MROH9: variants seen among roughly 807,000 people sequenced by gnomAD.
MROH9 encodes the protein maestro heat-like repeat-containing protein family member 9.
Under a neutral mutation model 98.2 loss-of-function variants are expected in MROH9, and 92 were observed. That is an observed-to-expected ratio of 0.94 (90% CI 0.79 to 1.11). The LOEUF is 1.11. MROH9 is among the 50% of genes most tolerant of loss of function. The pLI is 0.00. For missense variants in MROH9, 1,057 were observed against 1,014.8 expected (o/e 1.04, Z -0.57); for synonymous variants, 397 against 368.9 (o/e 1.08, Z -0.87).
At chr1:171,038,130 AAG>A (rs1341630282) in intron 20 of MROH9, among the ~76,000 whole-genome samples, 2 of 152,120 alleles carry the variant, frequency 1.3e-5, no homozygotes, top group African/African-American at 2.4e-5. Context: ...ACAAAGTAAA[AAG>A]CCAAATTTGG....
chr1:170,955,568 T>C (rs1649726521), intron 3 of MROH9, among the ~76,000 whole-genome samples: 1 of 152,220 alleles, frequency 6.6e-6, no homozygotes, highest in South Asian at 2.1e-4. Flanking sequence ...CCCTAATCAT[T>C]AGTGATGTTA....
chr1:170,939,900 A>G lies in MROH9; in HGVS notation c.-38+4313A>G, dbSNP rs192618661. On this transcript the variant is annotated intron_variant, in intron 1 of 21. Coordinates refer to ENST00000367759, the MANE Select transcript of MROH9 (RefSeq NM_001163629.2). ...ATCCTGGGGGCTTGCACTTCAATTC[A>G]CTGCCAAAGGCTGAAAAGAGCATCA... is the stretch of plus-strand genomic sequence containing the variant. Among the ~76,000 whole-genome samples, 568 of 152,254 alleles carry G rather than the reference A, an allele frequency of 3.7e-3. 4 individuals carry two copies. The highest frequency in any genetic ancestry group is 6.1e-3 in the Admixed American group (94 of 15,294).
rs562415161 is a variant in MROH9 at position 171,038,517 on chromosome 1, A to G, written c.2281+13097A>G. On this transcript the variant is annotated intron_variant, in intron 20 of 21. Coordinates refer to ENST00000367759, the MANE Select transcript of MROH9 (RefSeq NM_001163629.2). The stretch of plus-strand genomic sequence containing the variant: ...CTCTCAAGAGAATATATCCTCAGAT[A>G]CAGTCACACATGGGAGAAATGATGT... 2.6e-5 allele frequency among the ~76,000 whole-genome samples: 4 copies of G among 152,330 alleles called. No individual in the cohort carries two copies. The East Asian group carries it at 7.7e-4, about 29-fold the overall frequency.
At chr1:171,052,441 T>C (rs1051591631) in intron 20 of MROH9, among the ~76,000 whole-genome samples, 1 of 152,138 alleles carries the variant, frequency 6.6e-6, no homozygotes. Context: ...CTACCCTAAG[T>C]TCTCTCCATG....
At chr1:170,990,073 G>A in intron 11 of MROH9, 70 bp downstream of exon 11, 3 of 1,456,132 alleles carry the variant, frequency 2.1e-6, no homozygotes, top group Non-Finnish European at 2.8e-6. Flanking sequence ...GATGGACCTG[G>A]GTTCAACTCT....
chr1:170,986,326 G>GA (rs1239902188), intron 9 of MROH9, among the ~76,000 whole-genome samples: 1 of 152,216 alleles, frequency 6.6e-6, no homozygotes, highest in South Asian at 2.1e-4. Context: ...AAAATCAGAA[G>GA]AAAAAAATTA....
rs79006370 is a variant in MROH9 at position 170,975,756 on chromosome 1, T to C, written c.616+3873T>C. On this transcript the variant is annotated intron_variant, in intron 8 of 21. Coordinates refer to ENST00000367759, the MANE Select transcript of MROH9 (RefSeq NM_001163629.2). ...ACTATTATTGTGTGGGATGCTGAAA[T>C]CTCTCACTATTATTGTGTGGGAGTC... is the stretch of plus-strand genomic sequence containing the variant. 5.6e-3 allele frequency among the ~76,000 whole-genome samples: 857 copies of C among 152,270 alleles called. 40 individuals carry two copies. In the East Asian group the frequency reaches 0.1, roughly 19 times the overall value.
chr1:170,966,129 A>G (rs17621627), intron 7 of MROH9, among the ~76,000 whole-genome samples: 12,127 of 152,154 alleles, frequency 0.08, 623 homozygotes, highest in Non-Finnish European at 0.11. Context: ...ATGATAGGTT[A>G]AAGTTTAGTA....
chr1:170,974,397 A>G (rs1650602444), intron 8 of MROH9, among the ~76,000 whole-genome samples: 1 of 152,118 alleles, frequency 6.6e-6, no homozygotes. Context: ...ATAAAGAAAA[A>G]AATCTTAAAA....
At chr1:170,951,891 G>A (rs1409562257) in intron 3 of MROH9, among the ~76,000 whole-genome samples, 1 of 152,132 alleles carries the variant, frequency 6.6e-6, no homozygotes, top group South Asian at 2.1e-4. Flanking sequence ...TGGCTCTTTT[G>A]CTAATGGGTT....
chr1:170,947,300 T>G (rs1401462775), intron 2 of MROH9, among the ~76,000 whole-genome samples: 1 of 152,030 alleles, frequency 6.6e-6, no homozygotes, highest in Non-Finnish European at 1.5e-5. Flanking sequence ...GGGTATAGGC[T>G]TTTATTCTTT....
intron 15 of MROH9, among the ~76,000 whole-genome samples, chr1:171,009,581 T>C (rs1476466699): frequency 1.3e-5 from 2 of 152,238 alleles, no homozygotes; most frequent in Non-Finnish European, 2.9e-5. Context: ...AACTCTTATG[T>C]TAGCTTTGAA....
chr1:171,005,206 AGGTGCATGCCACCATGCTTG>A (rs1273216722), intron 15 of MROH9, among the ~76,000 whole-genome samples: 1 of 152,064 alleles, frequency 6.6e-6, no homozygotes, highest in Non-Finnish European at 1.5e-5. Flanking sequence ...CTGGGACTAT[AGGTGCATGCCACCATGCTTG>A]GGTAATTTTT....
intron 13 of MROH9, 116 bp from the exon 14 acceptor site, chr1:170,996,391 T>C (rs1651566284): frequency 3.6e-6 from 4 of 1,099,228 alleles, no homozygotes; most frequent in Non-Finnish European, 5.2e-6. Context: ...CATTGAGACA[T>C]CCCCTTTCTC....
chr1:170,999,046 A>C (rs1651691650), intron 15 of MROH9, among the ~76,000 whole-genome samples: 1 of 152,094 alleles, frequency 6.6e-6, no homozygotes, highest in Non-Finnish European at 1.5e-5. Context: ...TGCTCAGTCT[A>C]TTTTGACCTC....
chr1:170,972,811 C>CAA (rs141109310), intron 8 of MROH9, among the ~76,000 whole-genome samples: 15 of 112,934 alleles, frequency 1.3e-4, no homozygotes, highest in African/African-American at 5.2e-4. Flanking sequence ...GACTCCGCCT[C>CAA]AAAAAAAAAA....
chr1:170,973,827 A>G (rs1650576373), intron 8 of MROH9, among the ~76,000 whole-genome samples: 1 of 152,240 alleles, frequency 6.6e-6, no homozygotes, highest in Admixed American at 6.5e-5. Flanking sequence ...GTGAGCTGGT[A>G]TCGTGCCACT....
intron 8 of MROH9, among the ~76,000 whole-genome samples, chr1:170,975,370 G>A (rs1650642474): frequency 2.0e-5 from 3 of 152,078 alleles, no homozygotes; most frequent in African/African-American, 7.2e-5. Flanking sequence ...TGCCTCCAGG[G>A]AAAAGAAAGT....
chr1:170,947,466 C>T, intron 2 of MROH9, 61 bp from the exon 3 acceptor site: 1 of 1,418,684 alleles, frequency 7.0e-7, no homozygotes, highest in South Asian at 1.2e-5. Flanking sequence ...AATAAGGCCC[C>T]ACTAAGATGA....
Sources: gnomAD v4.1 joint callset for allele counts (sites outside exome capture counted in the v4.1 genomes callset) on GRCh38, gnomAD v4.1.1 for gene constraint, MANE v1.5 for transcripts, NCBI Gene and HGNC (gene_info 2026-07-23, HGNC 2026-07-21) for gene names.